UBE3A: variants seen among roughly 807,000 people sequenced by gnomAD.
UBE3A encodes ubiquitin-protein ligase E3A.
UBE3A carries 6 observed loss-of-function variants against 83.4 expected under a neutral mutation model. The ratio of observed to expected loss-of-function variants is 0.07; its 90% CI spans 0.04 to 0.14. The LOEUF (loss-of-function observed/expected upper bound fraction) is 0.14. Among genes scored for constraint, UBE3A ranks in the 10% least tolerant of loss-of-function variants. The pLI, the probability that UBE3A is intolerant of heterozygous loss-of-function variation, is 1.00. For synonymous variants in UBE3A, 337 were observed against 355.4 expected, an observed-to-expected ratio of 0.95 and a Z score of 0.58; for missense variants, 456 against 1,036.1, an observed-to-expected ratio of 0.44 and a Z score of 7.69.
At chr15:25,342,310 C>A (rs915120390) in intron 11 of UBE3A, among the ~76,000 whole-genome samples, 4 of 151,982 alleles carry the variant, frequency 2.6e-5, no homozygotes, top group African/African-American at 9.7e-5. Flanking sequence ...AAGAGCACCA[C>A]CGAAGAACAG....
At chr15:25,426,380 A>G (rs1891323809) in intron 1 of UBE3A, among the ~76,000 whole-genome samples, 2 of 152,342 alleles carry the variant, frequency 1.3e-5, no homozygotes, top group South Asian at 4.1e-4. Context: ...TTATTTTTAC[A>G]CTGTAATTAG....
chr15:25,376,929 T>C (rs950969153), intron 4 of UBE3A, among the ~76,000 whole-genome samples: 1 of 152,186 alleles, frequency 6.6e-6, no homozygotes, highest in African/African-American at 2.4e-5. Flanking sequence ...CTAAAGAGTC[T>C]ATGCTTCTAC....
chr15:25,412,290 T>C (rs1398730355), intron 1 of UBE3A, among the ~76,000 whole-genome samples: 3 of 152,188 alleles, frequency 2.0e-5, no homozygotes, highest in Non-Finnish European at 4.4e-5. Flanking sequence ...ACTATATCCC[T>C]CTAATCCTTT....
chr15:25,374,419 G>A (rs1350036675), intron 5 of UBE3A: 3 of 152,248 alleles, frequency 2.0e-5, no homozygotes, highest in Non-Finnish European at 4.4e-5. Flanking sequence ...ACTTACTGGA[G>A]AACTGTGTAC....
rs1168150341 is a variant in UBE3A at position 25,336,206 on chromosome 15, G to T, written c.*2931C>A. 1 of 152,228 alleles carries T rather than the reference G, an allele frequency of 6.6e-6. No individual in the cohort carries two copies. The highest frequency in any genetic ancestry group is 1.5e-5 in the Non-Finnish European group (1 of 68,044). 9.4% of individuals were successfully genotyped at this position (152,228 alleles called of 1,614,324 possible). A position where few individuals can be genotyped will look rare whatever the true frequency, so the allele number is the denominator to read the frequency against. The stretch of plus-strand genomic sequence containing the variant: ...ACAAGTGAGGGAGCAAATGGAAGGT[G>T]TGTTTTTGGATTATACAGTGGCTCA... On this transcript the variant is annotated 3_prime_UTR_variant, in exon 13 of 13. Transcript: ENST00000648336.
intron 4 of UBE3A, among the ~76,000 whole-genome samples, chr15:25,388,832 T>G (rs996679254): frequency 1.3e-5 from 2 of 152,186 alleles, no homozygotes; most frequent in African/African-American, 4.8e-5. Flanking sequence ...AATGCATAAG[T>G]TGAATTTGAA....
intron 4 of UBE3A, 64 bp from the exon 5 acceptor site, chr15:25,375,827 A>C (rs190470959): frequency 6.3e-7 from 1 of 1,586,414 alleles, no homozygotes; most frequent in East Asian, 2.2e-5. Context: ...AAAGCTCAAC[A>C]TATCATCAAG....
chr15:25,358,305 G>T (rs917029586), intron 7 of UBE3A, among the ~76,000 whole-genome samples: 1 of 151,952 alleles, frequency 6.6e-6, no homozygotes, highest in Non-Finnish European at 1.5e-5. Flanking sequence ...CTTCAGCCTG[G>T]GAGGTGGAGG....
intron 4 of UBE3A, among the ~76,000 whole-genome samples, chr15:25,402,269 G>A (rs899266681): frequency 6.6e-6 from 1 of 152,236 alleles, no homozygotes; most frequent in Non-Finnish European, 1.5e-5. Context: ...GTCTGGGTCA[G>A]CAGGGTAGGT....
chr15:25,429,113 C>T (rs756158854), intron 1 of UBE3A, among the ~76,000 whole-genome samples: 18 of 152,078 alleles, frequency 1.2e-4, no homozygotes, highest in Non-Finnish European at 2.1e-4. Context: ...TGAAAGACAG[C>T]GTTATACATG....
chr15:25,365,620 CGCCTGTAGTCCCA>C (rs952924339), intron 6 of UBE3A, among the ~76,000 whole-genome samples: 11 of 151,818 alleles, frequency 7.2e-5, no homozygotes, highest in Admixed American at 7.2e-4. Context: ...TGGTGGCAGG[CGCCTGTAGTCCCA>C]GCTACTCGGG....
In UBE3A at chr15:25,380,060, T is replaced by C. The variant is rs370071823; in HGVS notation, c.63-4297A>G. 3.3e-5 allele frequency among the ~76,000 whole-genome samples: 5 copies of C among 152,224 alleles called. No homozygotes were observed. In the East Asian group the frequency reaches 9.7e-4, roughly 29 times the overall value. ...GAGATAATCTGAATCATGGGGGCAG[T>C]TTCCCACATGCTGTTCTTGTGGTAG... is the stretch of plus-strand genomic sequence containing the variant. On this transcript the variant is annotated intron_variant, in intron 4 of 12. Transcript: ENST00000648336.
At chr15:25,364,370 C>G (rs1033164439) in intron 6 of UBE3A, among the ~76,000 whole-genome samples, 13 of 151,950 alleles carry the variant, frequency 8.6e-5, no homozygotes, top group South Asian at 2.1e-4. Context: ...TAAAAATAAC[C>G]TCCATCAATT....
chr15:25,347,727 C>G (rs1461760712), intron 11 of UBE3A, among the ~76,000 whole-genome samples: 2 of 151,664 alleles, frequency 1.3e-5, no homozygotes, highest in African/African-American at 4.8e-5. Context: ...ACAAACAAAA[C>G]AAAACCCAAA....
intron 1 of UBE3A, among the ~76,000 whole-genome samples, chr15:25,426,811 A>C (rs2066354344): frequency 6.6e-6 from 1 of 151,784 alleles, no homozygotes; most frequent in Non-Finnish European, 1.5e-5. Context: ...AAAATATTTC[A>C]ATGTGGCTGG....
At chr15:25,407,277 G>A in intron 3 of UBE3A, 7 of 1,056,680 alleles carry the variant, frequency 6.6e-6, no homozygotes, top group Non-Finnish European at 8.1e-6. Context: ...GGGAAGAGAG[G>A]CAGATTAGAA....
rs764060265 is a variant in UBE3A, at chr15:25,337,592, T to A, written c.*1545A>T. ...AAAATAATCCTGAAAGACATCCTTTTTCTCCCCCCAATGATTTGAAAGCTG... is the reference window on the plus strand; with the variant it reads ...AAAATAATCCTGAAAGACATCCTTTATCTCCCCCCAATGATTTGAAAGCTG... On this transcript the variant is annotated 3_prime_UTR_variant, in exon 13 of 13. Coordinates refer to ENST00000648336, the MANE Select transcript of UBE3A (RefSeq NM_130839.5). 2 of 152,148 alleles carry A rather than the reference T, an allele frequency of 1.3e-5. No individual in the cohort carries two copies. The highest frequency in any genetic ancestry group is 2.9e-5 in the Non-Finnish European group (2 of 68,008). The allele number at this position is 152,148 out of a possible 1,614,324, so 9.4% of individuals were successfully genotyped here.
At chr15:25,361,211 C>T (rs112007676) in intron 6 of UBE3A, among the ~76,000 whole-genome samples, 48 of 151,490 alleles carry the variant, frequency 3.2e-4, no homozygotes, top group African/African-American at 1.1e-3. Flanking sequence ...CTGCAACCTC[C>T]GCCTCCTGGG....
chr15:25,382,917 C>A (rs1453833976), intron 4 of UBE3A, among the ~76,000 whole-genome samples: 1 of 152,018 alleles, frequency 6.6e-6, no homozygotes, highest in African/African-American at 2.4e-5. Context: ...CTGAATGGAC[C>A]TATAACTATT....
Sources: allele counts gnomAD v4.1 joint callset (sites outside exome capture counted in the v4.1 genomes callset), GRCh38; gene constraint gnomAD v4.1.1; transcripts MANE v1.5; gene names NCBI Gene and HGNC (gene_info 2026-07-23, HGNC 2026-07-21).